The following CCSER1 variants were observed in gnomAD, a reference collection of about 807,000 sequenced individuals.
CCSER1 encodes the protein coiled-coil serine rich protein 1.
A neutral mutation model predicts 82.0 loss-of-function variants in CCSER1; 41 were observed. The observed-to-expected ratio is 0.50, with a 90% CI of 0.39 to 0.65. The LOEUF is 0.65. Among genes scored for constraint, CCSER1 ranks in the 30% least tolerant of loss-of-function variants. The probability of loss-of-function intolerance (pLI) is 0.00; values close to 1 mark genes in which losing one functional copy is unlikely to be tolerated. For missense variants in CCSER1, 1,119 were observed against 1,064.2 expected (o/e 1.05, Z -0.72); for synonymous variants, 414 against 383.9 (o/e 1.08, Z -0.92).
chr4:91,136,740 CTATT>C (rs146682140), intron 10 of CCSER1, among the ~76,000 whole-genome samples: 8 of 152,180 alleles, frequency 5.3e-5, no homozygotes, highest in African/African-American at 1.7e-4. Flanking sequence ...TTATCAAAAT[CTATT>C]TATTCATTTT....
At chr4:91,057,175 C>T (rs1323422323) in intron 9 of CCSER1, among the ~76,000 whole-genome samples, 2 of 152,116 alleles carry the variant, frequency 1.3e-5, no homozygotes, top group South Asian at 4.1e-4. Context: ...GCAAGCTGCT[C>T]CAGGAACACA....
intron 4 of CCSER1, among the ~76,000 whole-genome samples, chr4:90,436,168 G>T (rs1758968571): frequency 6.6e-6 from 1 of 151,914 alleles, no homozygotes; most frequent in African/African-American, 2.4e-5. Flanking sequence ...TACAAATTAG[G>T]GTTGTGTTTT....
intron 10 of CCSER1, among the ~76,000 whole-genome samples, chr4:91,208,763 G>A (rs1177736642): frequency 6.6e-6 from 1 of 151,758 alleles, no homozygotes; most frequent in Non-Finnish European, 1.5e-5. Flanking sequence ...AAGAATGGTA[G>A]TTTGATAGGC....
chr4:90,918,636 G>A (rs557835850), intron 8 of CCSER1, among the ~76,000 whole-genome samples: 1 of 150,280 alleles, frequency 6.7e-6, no homozygotes, highest in African/African-American at 2.4e-5. Flanking sequence ...TCATTCAAGA[G>A]AGATATATAT....
chr4:91,429,711 T>C (rs1017134098), intron 10 of CCSER1, among the ~76,000 whole-genome samples: 1 of 151,960 alleles, frequency 6.6e-6, no homozygotes, highest in Non-Finnish European at 1.5e-5. Context: ...TAACCTGTCT[T>C]ACACTCATGT....
intron 1 of CCSER1, among the ~76,000 whole-genome samples, chr4:90,151,654 CA>C (rs1480647955): frequency 6.6e-6 from 1 of 152,058 alleles, no homozygotes; most frequent in Non-Finnish European, 1.5e-5. Context: ...ACCTGGAGAG[CA>C]AACTCATAAT....
chr4:91,180,783 G>A (rs963684989), intron 10 of CCSER1, among the ~76,000 whole-genome samples: 1 of 152,188 alleles, frequency 6.6e-6, no homozygotes, highest in East Asian at 1.9e-4. Flanking sequence ...GAAATCAGGG[G>A]TCTCACAACC....
At chr4:90,688,062 AT>A (rs1315449664) in intron 6 of CCSER1, among the ~76,000 whole-genome samples, 2 of 152,046 alleles carry the variant, frequency 1.3e-5, no homozygotes, top group Non-Finnish European at 2.9e-5. Context: ...GTTAATGTGC[AT>A]TTTTCTGAGA....
chr4:91,070,359 T>G (rs922335970), intron 9 of CCSER1, among the ~76,000 whole-genome samples: 3 of 152,200 alleles, frequency 2.0e-5, no homozygotes, highest in African/African-American at 7.2e-5. Context: ...CCTCTTTATT[T>G]TAGTTGAACT....
intron 10 of CCSER1, among the ~76,000 whole-genome samples, chr4:91,432,285 T>C (rs1754374978): frequency 6.6e-6 from 1 of 152,220 alleles, no homozygotes; most frequent in African/African-American, 2.4e-5. Context: ...AGTGTGATAA[T>C]GGACTACTAC....
At chr4:90,233,560 A>C (rs1266155921) in intron 1 of CCSER1, among the ~76,000 whole-genome samples, 2 of 152,028 alleles carry the variant, frequency 1.3e-5, no homozygotes, top group African/African-American at 2.4e-5. Flanking sequence ...CCAGCATGGC[A>C]CATGTATACA....
At chr4:91,541,959 T>G (rs1761621723) in intron 10 of CCSER1, among the ~76,000 whole-genome samples, 1 of 152,242 alleles carries the variant, frequency 6.6e-6, no homozygotes, top group Admixed American at 6.5e-5. Context: ...GGTTTTGATT[T>G]GCATTTCTCT....
chr4:91,258,864 A>G (rs1295683509), intron 10 of CCSER1, among the ~76,000 whole-genome samples: 1 of 152,170 alleles, frequency 6.6e-6, no homozygotes, highest in African/African-American at 2.4e-5. Flanking sequence ...TAACTTGTCC[A>G]TGGTCATCAA....
chr4:91,431,237 A>G (rs1754290329), intron 10 of CCSER1, among the ~76,000 whole-genome samples: 1 of 152,186 alleles, frequency 6.6e-6, no homozygotes, highest in African/African-American at 2.4e-5. Flanking sequence ...CTCCATCTCA[A>G]AAACAGCAAC....
At chr4:90,689,675 A>G (rs993031632) in intron 6 of CCSER1, among the ~76,000 whole-genome samples, 5 of 152,034 alleles carry the variant, frequency 3.3e-5, no homozygotes, top group Admixed American at 3.3e-4. Flanking sequence ...GTGACTTATT[A>G]AGTAAGTGCT....
chr4:91,271,202 C>T (rs1742000544), intron 10 of CCSER1, among the ~76,000 whole-genome samples: 1 of 152,062 alleles, frequency 6.6e-6, no homozygotes, highest in South Asian at 2.1e-4. Flanking sequence ...GTCATCATAT[C>T]TCCTTAAATG....
rs200520341 is a variant in CCSER1 at position 91,159,902 on chromosome 4, C to CT, written c.2217+73916dup. 9.6e-3 allele frequency among the ~76,000 whole-genome samples: 1,463 copies of CT among 151,708 alleles called. 14 individuals carry two copies. Among genetic ancestry groups the CT allele is most frequent in the African/African-American group, 0.023 (934 of 41,408 alleles). ...ATTTTTAGGCAATAACTAAAGCTAA[C>CT]TTTTTTTTATTATACTTTAAGTTCT... On this transcript the variant is annotated intron_variant, in intron 10 of 10. Transcript: ENST00000509176.
chr4:90,434,922 G>A (rs1461958696), intron 4 of CCSER1, among the ~76,000 whole-genome samples: 2 of 151,898 alleles, frequency 1.3e-5, no homozygotes, highest in South Asian at 2.1e-4. Context: ...TTTTCATATC[G>A]GACAACAATG....
chr4:90,286,159 T>A (rs939154173), intron 1 of CCSER1, among the ~76,000 whole-genome samples: 1 of 152,046 alleles, frequency 6.6e-6, no homozygotes, highest in African/African-American at 2.4e-5. Flanking sequence ...TGGAATGAGT[T>A]TGGAAATAGC....
Sources: allele counts gnomAD v4.1 joint callset (sites outside exome capture counted in the v4.1 genomes callset), GRCh38; gene constraint gnomAD v4.1.1; transcripts MANE v1.5; gene names NCBI Gene and HGNC (gene_info 2026-07-23, HGNC 2026-07-21).